Variants in PVT1 observed in about 807,000 individuals in gnomAD.
PVT1 encodes CXCR4/PVT1 fusion.
intron 3 of PVT1, among the ~76,000 whole-genome samples, chr8:127,892,698 G>C (rs1815626745): frequency 6.6e-6 from 1 of 152,148 alleles, no homozygotes; most frequent in African/African-American, 2.4e-5. Flanking sequence ...GGGTGTGTGT[G>C]ACGGTGAGCT....
chr8:127,926,830 C>T (rs1033988500), intron 3 of PVT1, among the ~76,000 whole-genome samples: 2 of 152,176 alleles, frequency 1.3e-5, no homozygotes, highest in Admixed American at 6.5e-5. Context: ...CAGTTCTGTT[C>T]TGGAGAATAG....
intron 2 of PVT1, among the ~76,000 whole-genome samples, chr8:127,869,132 A>C (rs537559801): frequency 8.8e-4 from 133 of 151,830 alleles, no homozygotes; most frequent in African/African-American, 2.0e-3. Context: ...ATTATTCTTT[A>C]TTTATTTATT....
chr8:128,088,283 C>T (rs1182754627), intron 5 of PVT1, among the ~76,000 whole-genome samples: 1 of 152,174 alleles, frequency 6.6e-6, no homozygotes, highest in African/African-American at 2.4e-5. Flanking sequence ...CCCATGGGCT[C>T]AGCGCAGGGG....
intron 2 of PVT1, among the ~76,000 whole-genome samples, chr8:127,801,565 A>G (rs1814465489): frequency 6.6e-6 from 1 of 152,116 alleles, no homozygotes; most frequent in Non-Finnish European, 1.5e-5. Flanking sequence ...TAAAAAGGAA[A>G]GTAATTTGAT....
At chr8:127,920,460 G>A (rs905112066) in intron 3 of PVT1, among the ~76,000 whole-genome samples, 9 of 152,184 alleles carry the variant, frequency 5.9e-5, no homozygotes, top group African/African-American at 2.2e-4. Flanking sequence ...CCTGCATGTT[G>A]CATCTGTAAA....
intron 2 of PVT1, among the ~76,000 whole-genome samples, chr8:127,820,580 TGAA>T (rs1814716948): frequency 6.6e-6 from 1 of 152,000 alleles, no homozygotes; most frequent in Admixed American, 6.6e-5. Context: ...GGTGCTTGGG[TGAA>T]GAATTAGCAA....
chr8:127,816,381 C>T (rs892329264), intron 2 of PVT1, among the ~76,000 whole-genome samples: 5 of 151,650 alleles, frequency 3.3e-5, no homozygotes, highest in East Asian at 1.9e-4. Flanking sequence ...CTCCTGGGCT[C>T]GAGAGATCCT....
At chr8:128,049,891 C>T (rs1322504731) in intron 4 of PVT1, among the ~76,000 whole-genome samples, 2 of 152,174 alleles carry the variant, frequency 1.3e-5, no homozygotes, top group African/African-American at 4.8e-5. Context: ...ATCTCTTTGC[C>T]TCTCATTTGC....
chr8:128,070,389 A>C (rs1268977871), intron 5 of PVT1: 1 of 152,160 alleles, frequency 6.6e-6, no homozygotes, highest in Non-Finnish European at 1.5e-5. Flanking sequence ...CTCACACTTA[A>C]TTTCACAAGT....
At chr8:127,970,540 C>G (rs1158915864) in intron 3 of PVT1, among the ~76,000 whole-genome samples, 1 of 151,896 alleles carries the variant, frequency 6.6e-6, no homozygotes, top group Non-Finnish European at 1.5e-5. Context: ...GCCTCGTGAT[C>G]CGCCCGCCTC....
At chr8:127,957,844 G>T (rs1478127135) in intron 3 of PVT1, among the ~76,000 whole-genome samples, 1 of 152,256 alleles carries the variant, frequency 6.6e-6, no homozygotes, top group African/African-American at 2.4e-5. Flanking sequence ...GCATGGCGGG[G>T]AGGTGTGGGT....
chr8:127,968,850 A>G (rs1245699523), intron 3 of PVT1, among the ~76,000 whole-genome samples: 1 of 152,032 alleles, frequency 6.6e-6, no homozygotes, highest in Non-Finnish European at 1.5e-5. Context: ...ATGGAGGTGG[A>G]GATTAGAGGG....
chr8:127,880,782 G>A (rs901876169), intron 2 of PVT1, among the ~76,000 whole-genome samples: 5 of 152,132 alleles, frequency 3.3e-5, no homozygotes, highest in Admixed American at 3.3e-4. Context: ...TTGTACTTTA[G>A]TAGAGACGGG....
intron 5 of PVT1, among the ~76,000 whole-genome samples, chr8:128,082,257 G>T (rs766414639): frequency 6.6e-6 from 1 of 152,206 alleles, no homozygotes; most frequent in Non-Finnish European, 1.5e-5. Flanking sequence ...CTTTAGGGAG[G>T]TTAAGTAACT....
intron 5 of PVT1, among the ~76,000 whole-genome samples, chr8:128,071,515 C>T (rs1386378013): frequency 6.6e-6 from 1 of 150,856 alleles, no homozygotes; most frequent in Non-Finnish European, 1.5e-5. Flanking sequence ...ACCCCCATCT[C>T]TATAAAAATT....
In PVT1 at chr8:128,018,172, A is replaced by G. The variant is rs151240542; in HGVS notation, n.912+28881A>G. Among the ~76,000 whole-genome samples the G allele has an allele frequency of 9.3e-3, 1,417 of 152,354 alleles. 12 individuals are homozygous for G. The highest frequency in any genetic ancestry group is 0.016 in the Non-Finnish European group (1,081 of 68,030). The stretch of plus-strand genomic sequence containing the variant: ...CATGTAAACATGAAAATAAGGGTTA[A>G]AAATGACTTCATTATGGGGAAAAGG... On this transcript the variant is annotated intron_variant and non_coding_transcript_variant, in intron 4 of 10. Transcript: ENST00000651587.
At chr8:128,078,833 T>G (rs940973692) in intron 5 of PVT1, among the ~76,000 whole-genome samples, 1 of 152,188 alleles carries the variant, frequency 6.6e-6, no homozygotes, top group African/African-American at 2.4e-5. Context: ...TTGCCTAGGC[T>G]GCCATGCAGT....
At chr8:127,921,854 G>GTTTTTTTGTTTTTTTTTTTTTTTTTT (rs1816063128) in intron 3 of PVT1, among the ~76,000 whole-genome samples, 11 of 71,908 alleles carry the variant, frequency 1.5e-4, no homozygotes, top group African/African-American at 6.1e-4. Flanking sequence ...TTTGGTTCAT[G>GTTTTTTTGTTTTTTTTTTTTTTTTTT]TTTTTTTTTT....
At chr8:127,879,054 T>G (rs1330783939) in intron 2 of PVT1, among the ~76,000 whole-genome samples, 1 of 152,266 alleles carries the variant, frequency 6.6e-6, no homozygotes. Context: ...CTATTGGGGC[T>G]GTTTTGGTCA....
Sources: allele counts gnomAD v4.1 joint callset (sites outside exome capture counted in the v4.1 genomes callset), GRCh38; gene constraint gnomAD v4.1.1; transcripts MANE v1.5; gene names NCBI Gene and HGNC (gene_info 2026-07-23, HGNC 2026-07-21).